Variants in MAGI2 observed in about 807,000 individuals in gnomAD.
MAGI2 encodes membrane-associated guanylate kinase, WW and PDZ domain-containing protein 2.
MAGI2 carries 35 observed loss-of-function variants against 133.3 expected under a neutral mutation model. That is an observed-to-expected ratio of 0.26 (90% CI 0.20 to 0.35). The LOEUF (loss-of-function observed/expected upper bound fraction) is 0.35. MAGI2 is among the 10% of genes least tolerant of loss of function. The pLI is 1.00. For missense variants in MAGI2, 1,636 were observed against 1,863.4 expected (o/e 0.88, Z 2.25); for synonymous variants, 729 against 710.6 (o/e 1.03, Z -0.41).
intron 2 of MAGI2, among the ~76,000 whole-genome samples, chr7:78,931,056 A>ATCATGAAGAATTAAC (rs1192392060): frequency 1.3e-5 from 2 of 152,134 alleles, no homozygotes; most frequent in Non-Finnish European, 2.9e-5. Context: ...TTAACGCAGA[A>ATCATGAAGAATTAAC]GCAGTGACAG....
chr7:79,253,069 A>C (rs1187402138), intron 1 of MAGI2, among the ~76,000 whole-genome samples: 1 of 152,240 alleles, frequency 6.6e-6, no homozygotes, highest in Non-Finnish European at 1.5e-5. Flanking sequence ...ATAGAATATC[A>C]ATCTCATTTC....
At chr7:79,284,777 TG>T (rs1199896311) in intron 1 of MAGI2, among the ~76,000 whole-genome samples, 1 of 152,102 alleles carries the variant, frequency 6.6e-6, no homozygotes, top group African/African-American at 2.4e-5. Context: ...AACATATGTT[TG>T]CCCCCTTAGC....
chr7:79,097,415 G>A (rs181824056), intron 1 of MAGI2, among the ~76,000 whole-genome samples: 1 of 152,252 alleles, frequency 6.6e-6, no homozygotes, highest in Admixed American at 6.5e-5. Flanking sequence ...TGCTATAATG[G>A]GGGATCTGTT....
At chr7:78,241,229 A>G (rs1453901958) in intron 10 of MAGI2, among the ~76,000 whole-genome samples, 1 of 152,100 alleles carries the variant, frequency 6.6e-6, no homozygotes, top group Non-Finnish European at 1.5e-5. Context: ...AAATTTTGGG[A>G]AACTGACAAA....
intron 2 of MAGI2, among the ~76,000 whole-genome samples, chr7:78,961,945 A>T (rs1390154104): frequency 6.6e-6 from 1 of 151,812 alleles, no homozygotes; most frequent in Admixed American, 6.6e-5. Context: ...CTCCCAGGCC[A>T]TAAACTTATA....
chr7:78,229,698 G>T (rs1343338651), intron 10 of MAGI2, among the ~76,000 whole-genome samples: 1 of 152,190 alleles, frequency 6.6e-6, no homozygotes, highest in Non-Finnish European at 1.5e-5. Context: ...CAGTAAGCCA[G>T]GTTCCTAAAT....
intron 20 of MAGI2, among the ~76,000 whole-genome samples, chr7:78,123,606 C>A (rs1454547358): frequency 1.3e-5 from 2 of 152,120 alleles, no homozygotes; most frequent in South Asian, 4.1e-4. Flanking sequence ...CAGGTAGCAT[C>A]TACAGTGTGG....
At chr7:78,683,556 G>A (rs1396363633) in intron 2 of MAGI2, among the ~76,000 whole-genome samples, 4 of 152,126 alleles carry the variant, frequency 2.6e-5, no homozygotes, top group African/African-American at 9.7e-5. Flanking sequence ...CAGCCATCCT[G>A]GTTTCCTAAT....
chr7:79,103,680 T>G (rs546189133), intron 1 of MAGI2, among the ~76,000 whole-genome samples: 7 of 151,864 alleles, frequency 4.6e-5, no homozygotes, highest in Admixed American at 4.6e-4. Context: ...CAGCATTTTA[T>G]TTATTTATTT....
At chr7:78,404,325 G>A (rs970945237) in intron 6 of MAGI2, among the ~76,000 whole-genome samples, 2 of 152,116 alleles carry the variant, frequency 1.3e-5, no homozygotes, top group African/African-American at 2.4e-5. Context: ...CTACTTTAGA[G>A]TTCATATGGA....
intron 2 of MAGI2, among the ~76,000 whole-genome samples, chr7:78,687,998 A>G (rs1483515490): frequency 7.1e-6 from 1 of 141,528 alleles, no homozygotes; most frequent in Non-Finnish European, 1.6e-5. Flanking sequence ...AAAAAAAAAA[A>G]AAAGAAAAAA....
At chr7:78,463,278 G>A (rs567842327) in intron 6 of MAGI2, among the ~76,000 whole-genome samples, 67 of 152,288 alleles carry the variant, frequency 4.4e-4, no homozygotes, top group African/African-American at 5.1e-4. Context: ...GAGCACTGCC[G>A]TGACAGAAAA....
At chr7:78,167,407 T>A (rs1825720234) in intron 15 of MAGI2, among the ~76,000 whole-genome samples, 1 of 152,212 alleles carries the variant, frequency 6.6e-6, no homozygotes, top group Admixed American at 6.5e-5. Flanking sequence ...TACATAAATT[T>A]GGAACTATAT....
intron 1 of MAGI2, among the ~76,000 whole-genome samples, chr7:79,152,074 A>G (rs1342080291): frequency 2.6e-5 from 4 of 152,214 alleles, no homozygotes; most frequent in Non-Finnish European, 5.9e-5. Flanking sequence ...CTATGTAAAT[A>G]ATGGAAATAA....
At chr7:78,756,421 TTTAG>T (rs1268133583) in intron 2 of MAGI2, among the ~76,000 whole-genome samples, 4 of 152,168 alleles carry the variant, frequency 2.6e-5, no homozygotes, top group African/African-American at 7.2e-5. Flanking sequence ...ATATAATATA[TTTAG>T]TTATTTTTTT....
intron 6 of MAGI2, among the ~76,000 whole-genome samples, chr7:78,403,569 T>C (rs953550748): frequency 2.6e-5 from 4 of 152,170 alleles, no homozygotes; most frequent in African/African-American, 4.8e-5. Context: ...CTTGAGGAAT[T>C]GCCACACTGT....
Position 78,659,750 on chromosome 7 carries a change from T to C in MAGI2, c.419-32511A>G, listed in dbSNP as rs192436462. ...CAAGGTCAATATCTTGGTTGTGATA[T>C]TGTACTATTGTTTTGCAAGATGTTA... is the stretch of plus-strand genomic sequence containing the variant. On this transcript the variant is annotated intron_variant, in intron 2 of 21. Coordinates refer to ENST00000354212, the MANE Select transcript of MAGI2 (RefSeq NM_012301.4). Among the ~76,000 whole-genome samples the C allele has an allele frequency of 1.4e-4, 22 of 152,252 alleles. No individual in the cohort carries two copies. The East Asian group carries it at 1.7e-3, about 12-fold the overall frequency.
At position 78,019,958 on chromosome 7, in the gene MAGI2, C is replaced by T. The variant is rs1284055585; in HGVS notation, c.3725G>A (p.Ser1242Asn). The change falls in exon 22 of 22, where the codon AGT (serine) becomes AAT (asparagine). Residue 1242 changes from serine to asparagine, a missense_variant. Around this residue, in one of 5 missense-constraint regions of MAGI2, gnomAD observed 354 missense variants for 298.7 expected, o/e 1.19. Coordinates refer to ENST00000354212, the MANE Select transcript of MAGI2 (RefSeq NM_012301.4). ...VPEYDEPAPW[S>N]SPAAAAPGLP... Reference sequence around the variant, plus strand: ...ACCTGGGGCGGCGGCAGCGGGAGAACTCCAGGGGGCGGGTTCGTCTGTGGA... The same window carrying T: ...ACCTGGGGCGGCGGCAGCGGGAGAATTCCAGGGGGCGGGTTCGTCTGTGGA... 7 of 1,606,860 alleles carry T rather than the reference C, an allele frequency of 4.4e-6. No homozygotes were observed. The highest frequency in any genetic ancestry group is 5.1e-6 in the Non-Finnish European group (6 of 1,177,522).
chr7:79,426,327 C>T (rs1847368535), intron 1 of MAGI2, among the ~76,000 whole-genome samples: 1 of 142,020 alleles, frequency 7.0e-6, no homozygotes, highest in African/African-American at 3.0e-5. Flanking sequence ...CCTTCCTCTT[C>T]CTTTCTCCTT....
Sources: allele counts gnomAD v4.1 joint callset (sites outside exome capture counted in the v4.1 genomes callset), GRCh38; gene constraint gnomAD v4.1.1; regional missense constraint gnomAD v4.1.1; transcripts MANE v1.5; gene names NCBI Gene and HGNC (gene_info 2026-07-23, HGNC 2026-07-21).